The following COL5A2 variants were observed in gnomAD, a reference collection of about 807,000 sequenced individuals.
COL5A2 encodes collagen alpha-2(V) chain.
A neutral mutation model predicts 208.2 loss-of-function variants in COL5A2; 23 were observed. That is an observed-to-expected ratio of 0.11 (90% CI 0.08 to 0.16). COL5A2 has a LOEUF of 0.16. COL5A2 is among the 10% of genes least tolerant of loss of function. COL5A2 has a pLI of 1.00. For synonymous variants in COL5A2, 625 were observed against 628.5 expected (o/e 0.99, Z 0.08); for missense variants, 1,590 against 1,956.4 (o/e 0.81, Z 3.53).
intron 51 of COL5A2, among the ~76,000 whole-genome samples, chr2:189,038,277 T>C (rs549795060): frequency 2.0e-5 from 3 of 152,314 alleles, no homozygotes; most frequent in East Asian, 1.9e-4. Context: ...TGAGAACATA[T>C]GATATTTGGT....
chr2:189,397,634 T>C, the COL5A2 span, among the ~76,000 whole-genome samples: 12 of 152,266 alleles, frequency 7.9e-5, no homozygotes, highest in African/African-American at 2.9e-4. Context: ...ATCGTTTTAA[T>C]GTCTGTACAA....
intron 1 of COL5A2, among the ~76,000 whole-genome samples, chr2:189,143,872 C>T (rs769163512): frequency 3.9e-5 from 6 of 152,010 alleles, no homozygotes; most frequent in African/African-American, 7.2e-5. Context: ...TAAAAAAATC[C>T]TACAAGTGGT....
At chr2:189,441,012 G>A in the COL5A2 span, among the ~76,000 whole-genome samples, 3 of 152,164 alleles carry the variant, frequency 2.0e-5, no homozygotes, top group Admixed American at 6.5e-5. Context: ...GTACAAGGAA[G>A]AGAAAGCTAC....
intron 2 of COL5A2, 119 bp downstream of exon 2, chr2:189,110,106 A>G: frequency 1.3e-6 from 1 of 794,908 alleles, no homozygotes; most frequent in Admixed American, 1.8e-5. Flanking sequence ...TAACCCCAAA[A>G]GCCACCAAAA....
chr2:189,291,070 A>G, the COL5A2 span, among the ~76,000 whole-genome samples: 1 of 152,146 alleles, frequency 6.6e-6, no homozygotes, highest in African/African-American at 2.4e-5. Context: ...GACACATCCA[A>G]TTAAAATTTA....
chr2:189,327,813 C>T, the COL5A2 span, among the ~76,000 whole-genome samples: 1 of 152,168 alleles, frequency 6.6e-6, no homozygotes, highest in African/African-American at 2.4e-5. Context: ...CTTGATCCTA[C>T]ATAATTGGAA....
chr2:189,040,295 C>A (rs1685531713), intron 50 of COL5A2, among the ~76,000 whole-genome samples: 1 of 151,140 alleles, frequency 6.6e-6, no homozygotes, highest in African/African-American at 2.4e-5. Context: ...GTATTCCTAG[C>A]CTTAGCCTTT....
chr2:189,437,055 G>C, the COL5A2 span, among the ~76,000 whole-genome samples: 1 of 152,142 alleles, frequency 6.6e-6, no homozygotes, highest in Non-Finnish European at 1.5e-5. Context: ...GTCTGAACGA[G>C]ATAGTCTTTG....
the COL5A2 span, among the ~76,000 whole-genome samples, chr2:189,414,634 CA>C: frequency 1.3e-5 from 2 of 151,484 alleles, no homozygotes; most frequent in Admixed American, 6.6e-5. Context: ...CCTATAATCC[CA>C]ACTACTCGAA....
upstream of COL5A2, among the ~76,000 whole-genome samples, chr2:189,181,118 T>A (rs369332746): frequency 6.6e-6 from 1 of 152,202 alleles, no homozygotes; most frequent in African/African-American, 2.4e-5. Flanking sequence ...GAGGGATGCA[T>A]TAAGCCCGGA....
chr2:189,044,558 T>C (rs1175386622), intron 47 of COL5A2, among the ~76,000 whole-genome samples: 1 of 152,142 alleles, frequency 6.6e-6, no homozygotes, highest in Admixed American at 6.5e-5. Flanking sequence ...CTATAAAATA[T>C]TTGCCAGTCA....
intron 23 of COL5A2, 68 bp from the exon 24 acceptor site, chr2:189,065,125 T>G: frequency 7.1e-7 from 1 of 1,408,486 alleles, no homozygotes; most frequent in Non-Finnish European, 9.9e-7. Context: ...GAATAGGTGA[T>G]TTTTATTTTT....
At chr2:189,292,597 G>C in the COL5A2 span, among the ~76,000 whole-genome samples, 1 of 152,116 alleles carries the variant, frequency 6.6e-6, no homozygotes, top group Non-Finnish European at 1.5e-5. Flanking sequence ...TAAAAAGTCA[G>C]GAAACAACAG....
the COL5A2 span, among the ~76,000 whole-genome samples, chr2:189,366,601 G>A: frequency 1.3e-5 from 2 of 152,316 alleles, no homozygotes; most frequent in Non-Finnish European, 2.9e-5. Context: ...ATAGATCCCC[G>A]CAGGTGCGTG....
chr2:189,074,253 G>A (rs559397868), intron 17 of COL5A2, among the ~76,000 whole-genome samples: 1 of 152,060 alleles, frequency 6.6e-6, no homozygotes, highest in South Asian at 2.1e-4. Context: ...ACAGAAAAGA[G>A]CTCAAAAACC....
chr2:189,057,554 C>A, intron 33 of COL5A2, 127 bp from the exon 34 acceptor site: 1 of 718,972 alleles, frequency 1.4e-6, no homozygotes, highest in South Asian at 1.6e-5. Context: ...TTATATTTTT[C>A]ATCTGAGAAA....
intron 1 of COL5A2, among the ~76,000 whole-genome samples, chr2:189,170,518 AT>A (rs1688553122): frequency 6.6e-6 from 1 of 152,204 alleles, no homozygotes; most frequent in Admixed American, 6.5e-5. Context: ...GGAGGAAAAC[AT>A]CAATAGGCAG....
At chr2:189,186,719 G>A (rs1576579832) in intron 1 of COL5A2, among the ~76,000 whole-genome samples, 1 of 152,046 alleles carries the variant, frequency 6.6e-6, no homozygotes, top group South Asian at 2.1e-4. Flanking sequence ...ACAATATTGG[G>A]AGACTCACTC....
At chr2:189,319,702 G>A in the COL5A2 span, among the ~76,000 whole-genome samples, 1 of 152,262 alleles carries the variant, frequency 6.6e-6, no homozygotes, top group African/African-American at 2.4e-5. Flanking sequence ...TGCAGCTCAA[G>A]GAGGCTGGCC....
Sources: gnomAD v4.1 joint callset for allele counts (sites outside exome capture counted in the v4.1 genomes callset) on GRCh38, gnomAD v4.1.1 for gene constraint, MANE v1.5 for transcripts, NCBI Gene and HGNC (gene_info 2026-07-23, HGNC 2026-07-21) for gene names.